The following ADD3 variants were observed in gnomAD, a reference collection of about 807,000 sequenced individuals.
ADD3 encodes gamma-adducin.
ADD3 carries 25 observed loss-of-function variants against 80.2 expected under a neutral mutation model. The observed-to-expected ratio is 0.31, with a 90% CI of 0.23 to 0.44. ADD3 has a LOEUF of 0.44. ADD3 is among the 20% of genes least tolerant of loss of function. The pLI, the probability that ADD3 is intolerant of heterozygous loss-of-function variation, is 1.00. For synonymous variants in ADD3, 284 were observed against 289.6 expected, an observed-to-expected ratio of 0.98 and a Z score of 0.20; for missense variants, 829 against 847.5, an observed-to-expected ratio of 0.98 and a Z score of 0.27.
intron 1 of ADD3, among the ~76,000 whole-genome samples, chr10:110,070,106 C>T (rs1173401506): frequency 6.6e-6 from 1 of 152,070 alleles, no homozygotes; most frequent in Non-Finnish European, 1.5e-5. Flanking sequence ...TACATATATA[C>T]TCATTCCTTT....
chr10:110,098,864 C>T (rs1200295893), intron 1 of ADD3, among the ~76,000 whole-genome samples: 1 of 151,978 alleles, frequency 6.6e-6, no homozygotes, highest in African/African-American at 2.4e-5. Flanking sequence ...CTCCTGACCT[C>T]GTGATCTGCC....
chr10:110,132,885 A>G (rs1853222048), intron 14 of ADD3, among the ~76,000 whole-genome samples: 1 of 146,008 alleles, frequency 6.8e-6, no homozygotes, highest in African/African-American at 2.6e-5. Context: ...CAAGACTGCC[A>G]CTGCACTCCG....
intron 8 of ADD3, among the ~76,000 whole-genome samples, chr10:110,121,050 GA>G (rs1339336258): frequency 6.6e-6 from 1 of 151,898 alleles, no homozygotes; most frequent in Non-Finnish European, 1.5e-5. Flanking sequence ...AAAAACCTTA[GA>G]AGAAAACCTA....
chr10:110,075,763 C>G (rs1845316516), intron 1 of ADD3: 1 of 152,130 alleles, frequency 6.6e-6, no homozygotes, highest in South Asian at 2.1e-4. Flanking sequence ...CAAGAGATAG[C>G]AGCAGGTGAT....
chr10:110,093,122 G>A (rs746870272), intron 1 of ADD3, among the ~76,000 whole-genome samples: 1 of 152,180 alleles, frequency 6.6e-6, no homozygotes, highest in Non-Finnish European at 1.5e-5. Context: ...GCCTCCCAAA[G>A]TGCTGGTATT....
chr10:110,119,380 G>C (rs1436708527), intron 7 of ADD3, 26 bp downstream of exon 7: 1 of 1,613,098 alleles, frequency 6.2e-7, no homozygotes, highest in Non-Finnish European at 8.5e-7. Flanking sequence ...TGTCTAAGGA[G>C]CTATTTTTGT....
chr10:110,077,120 T>A (rs1353791401), intron 1 of ADD3: 1 of 152,226 alleles, frequency 6.6e-6, no homozygotes, highest in Non-Finnish European at 1.5e-5. Flanking sequence ...AATTTTTTTG[T>A]AAGTAATGGA....
At chr10:110,097,529 G>C (rs1477254538) in intron 1 of ADD3, among the ~76,000 whole-genome samples, 1 of 152,112 alleles carries the variant, frequency 6.6e-6, no homozygotes, top group East Asian at 1.9e-4. Flanking sequence ...CCTTTACCCA[G>C]ATTCCCTAAA....
At chr10:110,066,692 T>C (rs1844001571) in intron 1 of ADD3, among the ~76,000 whole-genome samples, 1 of 152,200 alleles carries the variant, frequency 6.6e-6, no homozygotes, top group Non-Finnish European at 1.5e-5. Flanking sequence ...CAGGCTTCGA[T>C]AAGCATAGCC....
At chr10:110,041,579 G>A (rs1218528947) in intron 1 of ADD3, among the ~76,000 whole-genome samples, 1 of 152,100 alleles carries the variant, frequency 6.6e-6, no homozygotes, top group South Asian at 2.1e-4. Context: ...TCTAGATTAT[G>A]TGTGATATAG....
At chr10:109,998,510 T>C (rs1314427053) in intron 1 of ADD3, among the ~76,000 whole-genome samples, 1 of 152,314 alleles carries the variant, frequency 6.6e-6, no homozygotes, top group Admixed American at 6.5e-5. Context: ...ATTCTGCACA[T>C]AGCAGCCAGG....
intron 1 of ADD3, among the ~76,000 whole-genome samples, chr10:110,093,100 C>T (rs1290364198): frequency 1.3e-5 from 2 of 152,180 alleles, no homozygotes; most frequent in African/African-American, 2.4e-5. Context: ...CTCAAGTAAT[C>T]CGCCCACCTT....
intron 1 of ADD3, among the ~76,000 whole-genome samples, chr10:110,017,684 A>T (rs1853161064): frequency 6.6e-6 from 1 of 152,198 alleles, no homozygotes; most frequent in African/African-American, 2.4e-5. Context: ...ATAAAATTAA[A>T]CCATGTGCCA....
At chr10:110,033,272 G>A (rs929228130) in intron 1 of ADD3, among the ~76,000 whole-genome samples, 1 of 152,198 alleles carries the variant, frequency 6.6e-6, no homozygotes, top group African/African-American at 2.4e-5. Flanking sequence ...CTACCAGATG[G>A]CAGTCTTTTC....
chr10:110,011,833 G>A (rs1852370325), intron 1 of ADD3, among the ~76,000 whole-genome samples: 1 of 152,228 alleles, frequency 6.6e-6, no homozygotes, highest in Non-Finnish European at 1.5e-5. Flanking sequence ...GTCCATGCCA[G>A]AGTGTTTATA....
At chr10:110,053,875 A>G (rs1857816069) in intron 1 of ADD3, among the ~76,000 whole-genome samples, 1 of 152,204 alleles carries the variant, frequency 6.6e-6, no homozygotes, top group African/African-American at 2.4e-5. Flanking sequence ...ATTTCTAGAA[A>G]TTTACATTTT....
intron 2 of ADD3, among the ~76,000 whole-genome samples, chr10:110,102,555 C>T (rs1011014090): frequency 6.6e-6 from 1 of 152,048 alleles, no homozygotes; most frequent in South Asian, 2.1e-4. Context: ...TACAGTGAGC[C>T]GTGATCACAC....
chr10:110,070,821 C>T (rs1403162623), intron 1 of ADD3, among the ~76,000 whole-genome samples: 1 of 152,030 alleles, frequency 6.6e-6, no homozygotes, highest in Admixed American at 6.6e-5. Context: ...TATCTGAGGA[C>T]TCTTAAAGCA....
intron 1 of ADD3, among the ~76,000 whole-genome samples, chr10:110,035,314 T>C (rs1855512514): frequency 6.6e-6 from 1 of 152,222 alleles, no homozygotes; most frequent in South Asian, 2.1e-4. Context: ...TTCCACCCTC[T>C]GCTCTATCAC....
Sources: gnomAD v4.1 joint callset for allele counts (sites outside exome capture counted in the v4.1 genomes callset) on GRCh38, gnomAD v4.1.1 for gene constraint, MANE v1.5 for transcripts, NCBI Gene and HGNC (gene_info 2026-07-23, HGNC 2026-07-21) for gene names.